Variants in INSR observed in about 807,000 individuals in gnomAD.
INSR encodes IR.
A neutral mutation model predicts 142.6 loss-of-function variants in INSR; 67 were observed. That is an observed-to-expected ratio of 0.47 (90% CI 0.39 to 0.58). The LOEUF is 0.58. INSR is among the 20% of genes least tolerant of loss of function. The probability of loss-of-function intolerance (pLI) is 0.00; values close to 1 mark genes in which losing one functional copy is unlikely to be tolerated. For missense variants in INSR, 1,248 were observed against 1,833.2 expected (o/e 0.68, Z 5.83); for synonymous variants, 756 against 743.1 (o/e 1.02, Z -0.28).
rs1975117583 is a variant in INSR at position 7,206,831 on chromosome 19, TA to T, written c.653-22195del. Among the ~76,000 whole-genome samples the T allele has an allele frequency of 4.6e-5, 7 of 152,278 alleles. No individual in the cohort carries two copies. The South Asian group carries it at 1.5e-3, about 32-fold the overall frequency. The stretch of plus-strand genomic sequence containing the variant: ...TAAAACGGGTGACACGCTGTTTTTC[TA>T]AAGCCCAAATATCACGTTGTCAACC... On this transcript the variant is annotated intron_variant, in intron 2 of 21. Transcript: ENST00000302850.
chr19:7,278,524 G>A (rs1422731327), intron 1 of INSR, among the ~76,000 whole-genome samples: 2 of 152,220 alleles, frequency 1.3e-5, no homozygotes, highest in Admixed American at 6.6e-5. Context: ...CCACCAGGGA[G>A]GATGAGCTTG....
intron 9 of INSR, among the ~76,000 whole-genome samples, chr19:7,160,678 G>A (rs1973724658): frequency 6.6e-6 from 1 of 151,862 alleles, no homozygotes; most frequent in Admixed American, 6.6e-5. Flanking sequence ...TCTCCAGTTT[G>A]GTGGGTTCTA....
Position 7,172,365 on chromosome 19 carries a change from C to T in INSR, c.1193G>A (p.Arg398His), listed in dbSNP as rs1383713230. The T allele has an allele frequency of 6.2e-7, 1 of 1,614,062 alleles. No homozygotes were observed. ...IEEISGYLKI[R>H]RSYALVSLSF... ...AAGTGACACCAGAGCGTAGGATCGG[C>T]GGATTTTTAGATACCCTGAAATTTC... is the stretch of plus-strand genomic sequence containing the variant. Residue 398 changes from arginine to histidine, a missense_variant, in exon 5 of 22, where the codon CGC becomes CAC. Arg to His is a conservative substitution (Grantham distance 29). This residue lies in a region of INSR where 1,069 missense variants were observed against 1,654.0 expected (regional missense o/e 0.65). Transcript: ENST00000302850.
At chr19:7,237,484 T>A (rs766171127) in intron 2 of INSR, among the ~76,000 whole-genome samples, 7 of 150,768 alleles carry the variant, frequency 4.6e-5, no homozygotes, top group Non-Finnish European at 8.8e-5. Flanking sequence ...GCCACTGCAC[T>A]CCAACCTGGG....
chr19:7,268,910 G>A (rs965658411), intron 1 of INSR, among the ~76,000 whole-genome samples: 4 of 151,942 alleles, frequency 2.6e-5, no homozygotes, highest in Non-Finnish European at 4.4e-5. Context: ...CCAGGCAGCC[G>A]TCCCTGATTT....
At chr19:7,173,329 T>C (rs771149724) in intron 4 of INSR, among the ~76,000 whole-genome samples, 78 of 152,004 alleles carry the variant, frequency 5.1e-4, no homozygotes, top group Non-Finnish European at 9.4e-4. Flanking sequence ...TTTCTTTTCT[T>C]TTTTTTTGAA....
At chr19:7,151,907 C>T (rs893025822) in intron 10 of INSR, 8 of 152,038 alleles carry the variant, frequency 5.3e-5, no homozygotes, top group African/African-American at 1.9e-4. Flanking sequence ...ATCCTTCTTT[C>T]TCAGCCTCCC....
At chr19:7,218,565 A>G (rs1811344) in intron 2 of INSR, among the ~76,000 whole-genome samples, 126,123 of 152,018 alleles carry the variant, frequency 0.83, 52,489 homozygotes, top group Non-Finnish European at 0.85. Context: ...TTATGAAACG[A>G]AGTCTCGCTC....
At chr19:7,137,008 T>C (rs1293550175) in intron 13 of INSR, among the ~76,000 whole-genome samples, 1 of 151,806 alleles carries the variant, frequency 6.6e-6, no homozygotes, top group African/African-American at 2.4e-5. Flanking sequence ...AATTTTTGTA[T>C]TTTTAGTAGA....
At chr19:7,158,306 C>G (rs571385752) in intron 9 of INSR, among the ~76,000 whole-genome samples, 2 of 152,030 alleles carry the variant, frequency 1.3e-5, no homozygotes, top group South Asian at 2.1e-4. Flanking sequence ...CGAGACCATC[C>G]TGGCTAACAT....
Position 7,192,698 on chromosome 19 carries a change from C to G in INSR, c.653-8061G>C. 6.6e-6 allele frequency among the ~76,000 whole-genome samples: 1 copy of G among 152,172 alleles called. No individual in the cohort carries two copies. Among genetic ancestry groups the G allele is most frequent in the East Asian group, 1.9e-4 (1 of 5,198 alleles). ...GTATGTAGGGAACATCTACCCAGAC[C>G]TCCCCTCTCCAAAAATGCAAGTTCT... On this transcript the variant is annotated intron_variant, in intron 2 of 21. Transcript: ENST00000302850. The surrounding 1 kb of genome is among the most constrained non-coding windows in gnomAD (Gnocchi z 4.2).
At chr19:7,189,005 GC>G (rs1253239905) in intron 2 of INSR, among the ~76,000 whole-genome samples, 1 of 151,962 alleles carries the variant, frequency 6.6e-6, no homozygotes, top group African/African-American at 2.4e-5. Flanking sequence ...ACATTTTTAG[GC>G]TTGATAGAAA....
At chr19:7,203,535 A>G (rs934392357) in intron 2 of INSR, among the ~76,000 whole-genome samples, 2 of 152,152 alleles carry the variant, frequency 1.3e-5, no homozygotes, top group African/African-American at 2.4e-5. Context: ...CCTGGGGACA[A>G]TCTCAACCAT....
Position 7,167,948 on chromosome 19 carries a change from T to C in INSR, c.1610+20A>G. 6.2e-7 allele frequency: 1 copy of C among 1,613,652 alleles called. No homozygotes were observed. Among genetic ancestry groups the C allele is most frequent in the African/African-American group, 1.3e-5 (1 of 74,948 alleles). ...AGCCAGCCCTCGCCTCCTCAGCGTC[T>C]CTCTAACTCTTCTACTTACGCCTCT... On this transcript the variant is annotated intron_variant, in intron 7 of 21. Coordinates refer to ENST00000302850, the MANE Select transcript of INSR (RefSeq NM_000208.4).
At chr19:7,182,096 C>A (rs542313356) in intron 3 of INSR, among the ~76,000 whole-genome samples, 1 of 151,854 alleles carries the variant, frequency 6.6e-6, no homozygotes, top group African/African-American at 2.4e-5. Flanking sequence ...CTTTGGGAGG[C>A]CGAGGTGGGT....
Position 7,166,090 on chromosome 19 carries a change from A to C in INSR, c.1861+64T>G. On this transcript the variant is annotated intron_variant, in intron 8 of 21. Transcript: ENST00000302850. The surrounding 1 kb of genome is among the most constrained non-coding windows in gnomAD (Gnocchi z 4.1). ...GGAGCATTTTATACAACCTCACTGC[A>C]TCAGCCTATTAAAAGCAAGAGGTCT... The C allele has an allele frequency of 6.3e-7, 1 of 1,592,410 alleles. No homozygotes were observed. Among genetic ancestry groups the C allele is most frequent in the Admixed American group, 1.7e-5 (1 of 59,924 alleles).
At chr19:7,246,257 A>C (rs575571850) in intron 2 of INSR, among the ~76,000 whole-genome samples, 6 of 152,284 alleles carry the variant, frequency 3.9e-5, no homozygotes, top group African/African-American at 1.4e-4. Context: ...GGATGTTAGC[A>C]CACAAGATGC....
chr19:7,151,164 C>CTCTTTCCTTTCTTTTCTT (rs1169790764), intron 10 of INSR, among the ~76,000 whole-genome samples: 1 of 5,052 alleles, frequency 2.0e-4, no homozygotes, highest in Non-Finnish European at 9.4e-4. Context: ...CTTTCTTTCT[C>CTCTTTCCTTTCTTTTCTT]TTTCTTTCTT....
chr19:7,248,002 C>T (rs1051875747), intron 2 of INSR, among the ~76,000 whole-genome samples: 2 of 152,040 alleles, frequency 1.3e-5, no homozygotes, highest in African/African-American at 4.8e-5. Flanking sequence ...TATATCACTA[C>T]CAAAAGCAGG....
Sources: gnomAD v4.1 joint callset for allele counts (sites outside exome capture counted in the v4.1 genomes callset) on GRCh38, gnomAD v4.1.1 for gene constraint, gnomAD v4.1.1 regional missense constraint, Gnocchi (gnomAD v3.1) non-coding constraint, MANE v1.5 for transcripts, NCBI Gene and HGNC (gene_info 2026-07-23, HGNC 2026-07-21) for gene names.